MTX2: variants seen among roughly 807,000 people sequenced by gnomAD.
The protein encoded by MTX2 is metaxin-2.
In MTX2, 35 loss-of-function variants were observed where a neutral mutation model predicts 42.3. The observed-to-expected ratio is 0.83, with a 90% CI of 0.63 to 1.10. The LOEUF (loss-of-function observed/expected upper bound fraction) is 1.10, where lower values mean the gene tolerates loss of function less well. MTX2 is among the 50% of genes least tolerant of loss of function. The pLI is 0.00. For synonymous variants in MTX2, 119 were observed against 100.9 expected (o/e 1.18, Z -1.08); for missense variants, 307 against 304.1 (o/e 1.01, Z -0.07).
At chr2:176,291,922 G>A (rs1693338340) in intron 1 of MTX2, among the ~76,000 whole-genome samples, 1 of 152,170 alleles carries the variant, frequency 6.6e-6, no homozygotes, top group South Asian at 2.1e-4. Flanking sequence ...ATGTGTGTGT[G>A]ATGAGGTAGG....
rs114332854 is a variant in MTX2 at position 176,335,051 on chromosome 2, A to G, written c.621-2442A>G. 7.2e-3 allele frequency among the ~76,000 whole-genome samples: 1,100 copies of G among 151,794 alleles called. 15 individuals are homozygous for G. The highest frequency in any genetic ancestry group is 0.026 in the African/African-American group (1,062 of 41,434). ...AGAGGAGATGCACAATAAGCAAAAAAAAAATTATATGGTATTAATTATCAA... is the reference window on the plus strand; with the variant it reads ...AGAGGAGATGCACAATAAGCAAAAAGAAAATTATATGGTATTAATTATCAA... On this transcript the variant is annotated intron_variant, in intron 9 of 9. Transcript: ENST00000249442.
intron 3 of MTX2, among the ~76,000 whole-genome samples, chr2:176,299,674 A>G (rs532270900): frequency 6.6e-6 from 1 of 152,096 alleles, no homozygotes; most frequent in Non-Finnish European, 1.5e-5. Flanking sequence ...TGACTTTTCC[A>G]GTTATCTGAT....
chr2:176,286,037 G>A (rs1693191772), intron 1 of MTX2, among the ~76,000 whole-genome samples: 1 of 152,088 alleles, frequency 6.6e-6, no homozygotes, highest in Non-Finnish European at 1.5e-5. Context: ...GTTATTGTCT[G>A]TCTTGTTGAT....
intron 3 of MTX2, among the ~76,000 whole-genome samples, chr2:176,304,520 T>C (rs1684097677): frequency 6.6e-6 from 1 of 152,000 alleles, no homozygotes; most frequent in African/African-American, 2.4e-5. Flanking sequence ...TTTATAACCT[T>C]AGATACCTTA....
At chr2:176,313,343 T>C (rs1300964395) in intron 3 of MTX2, among the ~76,000 whole-genome samples, 2 of 151,348 alleles carry the variant, frequency 1.3e-5, no homozygotes, top group African/African-American at 4.8e-5. Flanking sequence ...GAGAGCTCTC[T>C]CTCTGATCTT....
Position 176,297,844 on chromosome 2 carries a change from C to T in MTX2, c.89-5C>T, listed in dbSNP as rs1484071056. 2 of 1,553,384 alleles carry T rather than the reference C, an allele frequency of 1.3e-6. No homozygotes were observed. Among genetic ancestry groups the T allele is most frequent in the East Asian group, 2.3e-5 (1 of 42,580 alleles). Reference sequence around the variant, plus strand: ...TAACATTTATGCTTCATTGTATTTCCACAGGGGAGCAAATTTTACTTTCTG... The same window carrying T: ...TAACATTTATGCTTCATTGTATTTCTACAGGGGAGCAAATTTTACTTTCTG... On this transcript the variant is annotated splice_polypyrimidine_tract_variant and splice_region_variant and intron_variant, in intron 2 of 9. Transcript: ENST00000249442.
rs138640892 is a variant in MTX2 at position 176,275,784 on chromosome 2, G to A, written c.40+6115G>A. 1.7e-3 allele frequency among the ~76,000 whole-genome samples: 263 copies of A among 152,228 alleles called. 2 individuals carry two copies. The highest frequency in any genetic ancestry group is 5.8e-3 in the African/African-American group (240 of 41,550). Reference sequence around the variant, plus strand: ...GCAGCCAAAAGGGTAGAGTACTTGGGTGGACAGGCCTAACTCACTTGCCCA... The same window carrying A: ...GCAGCCAAAAGGGTAGAGTACTTGGATGGACAGGCCTAACTCACTTGCCCA... On this transcript the variant is annotated intron_variant, in intron 1 of 9. Coordinates refer to ENST00000249442, the MANE Select transcript of MTX2 (RefSeq NM_006554.5).
At chr2:176,290,445 T>C (rs1001647604) in intron 1 of MTX2, among the ~76,000 whole-genome samples, 4 of 152,164 alleles carry the variant, frequency 2.6e-5, no homozygotes, top group African/African-American at 4.8e-5. Flanking sequence ...TAAGTAGTTA[T>C]TTAATTAGAA....
chr2:176,327,576 A>ATTT, intron 5 of MTX2, among the ~76,000 whole-genome samples: 1 of 145,184 alleles, frequency 6.9e-6, no homozygotes, highest in African/African-American at 2.5e-5. Context: ...TATATATATT[A>ATTT]TTTTTTTTTT....
At chr2:176,333,493 C>T (rs919017432) in intron 9 of MTX2, among the ~76,000 whole-genome samples, 2 of 151,504 alleles carry the variant, frequency 1.3e-5, no homozygotes, top group South Asian at 2.1e-4. Context: ...GTAACTGTCA[C>T]CTATCAACTA....
Position 176,323,415 on chromosome 2 carries a change from G to C in MTX2, c.159G>C (p.Leu53Phe), listed in dbSNP as rs769536374. ...AGGCCTTTTTGCAAATGTGTAACTT[G>C]CCTATCAAAGTAGTTTGTAGGGCAA... ...AVQAFLQMCN[L>F]PIKVVCRANA... The change falls in exon 4 of 10, where the codon TTG becomes TTC. Residue 53 changes from leucine to phenylalanine, a missense_variant. By Grantham distance (22) the Leu-to-Phe change is conservative. Coordinates refer to ENST00000249442, the MANE Select transcript of MTX2 (RefSeq NM_006554.5). The C allele has an allele frequency of 1.2e-6, 2 of 1,611,204 alleles. No individual in the cohort carries two copies. Among genetic ancestry groups the C allele is most frequent in the Admixed American group, 1.7e-5 (1 of 59,926 alleles).
chr2:176,322,387 G>A (rs1178039323), intron 3 of MTX2, among the ~76,000 whole-genome samples: 1 of 152,010 alleles, frequency 6.6e-6, no homozygotes, highest in Non-Finnish European at 1.5e-5. Context: ...ACTTTTGACA[G>A]CTATTTATAG....
chr2:176,301,503 A>G (rs887669411), intron 3 of MTX2, among the ~76,000 whole-genome samples: 5 of 152,150 alleles, frequency 3.3e-5, no homozygotes, highest in African/African-American at 1.2e-4. Flanking sequence ...CAGCTACCCT[A>G]TGAGGTAGGT....
chr2:176,287,127 T>C (rs1322023661), intron 1 of MTX2, among the ~76,000 whole-genome samples: 1 of 152,182 alleles, frequency 6.6e-6, no homozygotes, highest in East Asian at 1.9e-4. Flanking sequence ...ATTGTAAAGG[T>C]ACACATAAGG....
intron 1 of MTX2, among the ~76,000 whole-genome samples, chr2:176,294,390 T>C (rs2105410957): frequency 6.7e-6 from 1 of 150,204 alleles, no homozygotes; most frequent in South Asian, 2.2e-4. Context: ...GTTCAAGCAA[T>C]TCTCTGCCTC....
intron 3 of MTX2, among the ~76,000 whole-genome samples, chr2:176,320,573 T>C (rs1049454386): frequency 3.3e-5 from 5 of 152,144 alleles, no homozygotes; most frequent in Non-Finnish European, 7.4e-5. Flanking sequence ...TTCTTTCTTA[T>C]CAACTTTCAG....
At chr2:176,303,003 G>A (rs918151546) in intron 3 of MTX2, among the ~76,000 whole-genome samples, 2 of 152,136 alleles carry the variant, frequency 1.3e-5, no homozygotes, top group Admixed American at 6.6e-5. Context: ...TACAGCTGCT[G>A]TAAATTTGTC....
At chr2:176,323,044 T>G (rs748968782) in intron 3 of MTX2, among the ~76,000 whole-genome samples, 3 of 151,850 alleles carry the variant, frequency 2.0e-5, no homozygotes, top group Non-Finnish European at 4.4e-5. Flanking sequence ...TTATAAAATT[T>G]GGACTTTAGT....
chr2:176,328,977 G>T, intron 7 of MTX2, 65 bp downstream of exon 7: 2 of 1,330,282 alleles, frequency 1.5e-6, no homozygotes, highest in Non-Finnish European at 2.2e-6. Flanking sequence ...GCTCAGAATC[G>T]CAAGTCCCTG....
Sources: allele counts gnomAD v4.1 joint callset (sites outside exome capture counted in the v4.1 genomes callset), GRCh38; gene constraint gnomAD v4.1.1; transcripts MANE v1.5; gene names NCBI Gene and HGNC (gene_info 2026-07-23, HGNC 2026-07-21).